The following SEMA4D variants were observed in gnomAD, a reference collection of about 807,000 sequenced individuals.
The protein encoded by SEMA4D is semaphorin-4D.
In SEMA4D, 22 loss-of-function variants were observed where a neutral mutation model predicts 74.8. The observed-to-expected ratio is 0.29, with a 90% CI of 0.21 to 0.42. SEMA4D has a LOEUF of 0.42. Ranked by LOEUF, SEMA4D falls within the 10% of genes least tolerant of loss-of-function variation. SEMA4D has a pLI of 1.00. For synonymous variants in SEMA4D, 445 were observed against 463.7 expected, an observed-to-expected ratio of 0.96 and a Z score of 0.52; for missense variants, 937 against 1,118.4, an observed-to-expected ratio of 0.84 and a Z score of 2.31.
chr9:89,453,083 T>C lies in SEMA4D; in HGVS notation c.-244+2805A>G, dbSNP rs556024107. The stretch of plus-strand genomic sequence containing the variant: ...TACAGTCTTCCTGCTCTCAACTCTG[T>C]GAGACGTGGAACTGTATCTGCTAAA... On this transcript the variant is annotated intron_variant, in intron 2 of 15. Transcript: ENST00000422704. Among the ~76,000 whole-genome samples the C allele has an allele frequency of 5.9e-5, 9 of 152,302 alleles. No individual in the cohort carries two copies. The South Asian group carries it at 1.7e-3, about 28-fold the overall frequency.
chr9:89,391,998 G>A (rs1435606283), intron 8 of SEMA4D, among the ~76,000 whole-genome samples: 1 of 152,174 alleles, frequency 6.6e-6, no homozygotes, highest in Non-Finnish European at 1.5e-5. Flanking sequence ...ATGTGCTGCT[G>A]GCAGCAACAA....
chr9:89,384,087 T>C (rs767544514), intron 13 of SEMA4D, among the ~76,000 whole-genome samples: 1 of 152,040 alleles, frequency 6.6e-6, no homozygotes, highest in Non-Finnish European at 1.5e-5. Flanking sequence ...CTGGTGAAAA[T>C]ACAGACACAG....
chr9:89,456,497 C>T (rs945204220), intron 1 of SEMA4D, among the ~76,000 whole-genome samples: 1 of 152,150 alleles, frequency 6.6e-6, no homozygotes, highest in African/African-American at 2.4e-5. Context: ...TAATTACATA[C>T]TCAAAAACCA....
intron 1 of SEMA4D, among the ~76,000 whole-genome samples, chr9:89,481,877 A>G (rs1001066176): frequency 5.3e-5 from 8 of 152,252 alleles, no homozygotes; most frequent in African/African-American, 1.9e-4. Context: ...AGGGCCGCAC[A>G]CTGAGGCTAG....
intron 1 of SEMA4D, among the ~76,000 whole-genome samples, chr9:89,457,120 T>G (rs1280546420): frequency 6.6e-6 from 1 of 152,060 alleles, no homozygotes; most frequent in African/African-American, 2.4e-5. Flanking sequence ...AGAAACAAAC[T>G]GAAGCAGGAT....
intron 2 of SEMA4D, among the ~76,000 whole-genome samples, chr9:89,426,052 C>A (rs532849116): frequency 3.7e-4 from 57 of 152,360 alleles, no homozygotes; most frequent in African/African-American, 1.3e-3. Context: ...AGATGCCCTG[C>A]ACTCAGAGGC....
intron 1 of SEMA4D, among the ~76,000 whole-genome samples, chr9:89,488,126 T>C (rs1825334147): frequency 1.3e-5 from 2 of 152,186 alleles, no homozygotes; most frequent in Non-Finnish European, 2.9e-5. Context: ...CTATGAGGAA[T>C]AAGCCATAAT....
At position 89,378,941 on chromosome 9, in the gene SEMA4D, G is replaced by T; in HGVS notation, c.2352C>A (p.Asp784Glu). Residue 784 changes from aspartate (D) to glutamate (E), a missense_variant, in exon 16 of 16, where the codon GAC becomes GAA. Physicochemically the swap from Asp to Glu is conservative, Grantham distance 45 (BLOSUM62 2). Transcript: ENST00000422704. ...GKKKPKSDFC[D>E]REQSLKETLV... ...ACGTCTCCTTCAGGCTCTGCTCACG[G>T]TCACAGAAATCTGACTTGGGCTTCT... The T allele has an allele frequency of 6.2e-7, 1 of 1,614,186 alleles. No homozygotes were observed. Among genetic ancestry groups the T allele is most frequent in the Non-Finnish European group, 8.5e-7 (1 of 1,180,028 alleles).
chr9:89,371,788 GT>G, intron 16 of SEMA4D, among the ~76,000 whole-genome samples: 1 of 52,942 alleles, frequency 1.9e-5, no homozygotes, highest in Non-Finnish European at 3.7e-5. Flanking sequence ...GTGTCGGGGT[GT>G]GTTTGGGGTG....
intron 16 of SEMA4D, among the ~76,000 whole-genome samples, chr9:89,370,942 G>A (rs1416180116): frequency 1.4e-5 from 2 of 143,680 alleles, no homozygotes; most frequent in Non-Finnish European, 3.1e-5. Flanking sequence ...TGTGTGTCTG[G>A]GGTATGGTGT....
At chr9:89,496,274 G>A (rs1411797900) in intron 1 of SEMA4D, among the ~76,000 whole-genome samples, 1 of 152,182 alleles carries the variant, frequency 6.6e-6, no homozygotes, top group Non-Finnish European at 1.5e-5. Flanking sequence ...TCCCTCCCTT[G>A]TGCTGTGCTG....
At chr9:89,421,309 G>C (rs982765223) in intron 2 of SEMA4D, among the ~76,000 whole-genome samples, 1 of 152,222 alleles carries the variant, frequency 6.6e-6, no homozygotes, top group Admixed American at 6.5e-5. Flanking sequence ...CACACACCTC[G>C]ATGGGGTAGG....
At chr9:89,459,120 G>C (rs1209214577) in intron 1 of SEMA4D, among the ~76,000 whole-genome samples, 1 of 152,168 alleles carries the variant, frequency 6.6e-6, no homozygotes, top group Non-Finnish European at 1.5e-5. Flanking sequence ...CTGAGCCATC[G>C]CAGCCTCCTA....
chr9:89,396,952 A>C, intron 5 of SEMA4D, 117 bp from the exon 6 acceptor site: 417 of 907,496 alleles, frequency 4.6e-4, no homozygotes, highest in Non-Finnish European at 6.5e-4. Flanking sequence ...ACACCAGCTC[A>C]CAGGTGGCCC....
exon 19 of SEMA4D, chr9:89,361,511 TCA>T (rs775638061): frequency 2.0e-5 from 3 of 152,240 alleles, no homozygotes; most frequent in Non-Finnish European, 4.4e-5. Context: ...TAGGACAAGT[TCA>T]CACACACAGT....
chr9:89,454,670 G>A (rs758895686), intron 2 of SEMA4D, among the ~76,000 whole-genome samples: 15 of 152,230 alleles, frequency 9.9e-5, no homozygotes, highest in South Asian at 2.1e-4. Context: ...GTGTCAAACC[G>A]CAGTGGGTGT....
intron 1 of SEMA4D, among the ~76,000 whole-genome samples, chr9:89,462,871 G>C (rs894914013): frequency 1.4e-5 from 1 of 69,976 alleles, no homozygotes; most frequent in African/African-American, 5.7e-5. Context: ...ATGAGCCTGG[G>C]AGTTTGAGGC....
At chr9:89,417,070 A>ACAG (rs1185514857) in intron 2 of SEMA4D, among the ~76,000 whole-genome samples, 1 of 152,234 alleles carries the variant, frequency 6.6e-6, no homozygotes, top group African/African-American at 2.4e-5. Context: ...ACTGCTTAAT[A>ACAG]CAGCACAGAA....
intron 1 of SEMA4D, among the ~76,000 whole-genome samples, chr9:89,478,330 T>C (rs1026342985): frequency 6.6e-6 from 1 of 151,996 alleles, no homozygotes; most frequent in African/African-American, 2.4e-5. Context: ...GCAGACGCCA[T>C]GTGATGTTGG....
Sources: gnomAD v4.1 joint callset for allele counts (sites outside exome capture counted in the v4.1 genomes callset) on GRCh38, gnomAD v4.1.1 for gene constraint, MANE v1.5 for transcripts, NCBI Gene and HGNC (gene_info 2026-07-23, HGNC 2026-07-21) for gene names.